Variants in NTRK3 observed in about 807,000 individuals in gnomAD.
NTRK3 encodes neurotrophic receptor tyrosine kinase 3, also known as NT-3 growth factor receptor.
A neutral mutation model predicts 91.7 loss-of-function variants in NTRK3; 24 were observed. That is an observed-to-expected ratio of 0.26 (90% CI 0.19 to 0.37). NTRK3 has a LOEUF of 0.37. Among genes scored for constraint, NTRK3 ranks in the 10% least tolerant of loss-of-function variants. NTRK3 has a pLI of 1.00. For missense variants in NTRK3, 880 were observed against 1,068.9 expected (o/e 0.82, Z 2.46); for synonymous variants, 483 against 404.0 (o/e 1.20, Z -2.34).
exon 19 of NTRK3, chr15:87,860,374 G>A (rs1257467139): frequency 4.5e-6 from 1 of 220,430 alleles, no homozygotes; most frequent in African/African-American, 2.2e-5. Flanking sequence ...GAGAAAGGAA[G>A]GGTGAGATGA....
chr15:88,121,488 A>C (rs1182483729), intron 13 of NTRK3, among the ~76,000 whole-genome samples: 4 of 152,262 alleles, frequency 2.6e-5, no homozygotes, highest in Non-Finnish European at 5.9e-5. Context: ...TTTAATGCCT[A>C]ATTTAACAAT....
intron 14 of NTRK3, chr15:87,981,418 A>G: frequency 6.2e-7 from 1 of 1,613,060 alleles, no homozygotes. Context: ...CCAAGTGCAA[A>G]AAACATGGGA....
chr15:87,862,592 T>C (rs2064556966), exon 19 of NTRK3: 1 of 226,122 alleles, frequency 4.4e-6, no homozygotes, highest in Non-Finnish European at 8.8e-6. Flanking sequence ...TGCTGACAAT[T>C]AGTTAAGAGT....
intron 13 of NTRK3, among the ~76,000 whole-genome samples, chr15:88,050,486 CGTGTGTGTGTGTGT>C (rs55943475): frequency 1.4e-5 from 2 of 144,262 alleles, no homozygotes; most frequent in African/African-American, 2.5e-5. Flanking sequence ...CAATATATAC[CGTGTGTGTGTGTGT>C]GTGTGTGTGT....
chr15:88,235,604 C>T lies in NTRK3; in HGVS notation c.248+20302G>A, dbSNP rs183793785. Among the ~76,000 whole-genome samples the T allele has an allele frequency of 4.4e-4, 67 of 152,300 alleles. No individual in the cohort carries two copies. Among genetic ancestry groups the T allele is most frequent in the Middle Eastern group, 3.4e-3 (1 of 294 alleles). ...GGGTGGATGGAGAACCCCAAGGAAA[C>T]GACCCAGCCCTGCTAAAGAGCACCA... On this transcript the variant is annotated intron_variant, in intron 3 of 18. Transcript: ENST00000394480. This position sits in a 1 kb window ranked among gnomAD's most constrained non-coding sequence, Gnocchi z 5.2.
chr15:88,124,688 G>T (rs2053099654), intron 13 of NTRK3, among the ~76,000 whole-genome samples: 1 of 152,176 alleles, frequency 6.6e-6, no homozygotes, highest in African/African-American at 2.4e-5. Context: ...TCACTCAGTG[G>T]TCGTCTCATC....
At chr15:87,897,940 T>C (rs1459601017) in intron 17 of NTRK3, among the ~76,000 whole-genome samples, 1 of 152,216 alleles carries the variant, frequency 6.6e-6, no homozygotes, top group Non-Finnish European at 1.5e-5. Context: ...AGAGAATTTA[T>C]TTAACCTCTG....
intron 13 of NTRK3, among the ~76,000 whole-genome samples, chr15:88,094,475 C>CA (rs10610101): frequency 0.06 from 1,804 of 30,098 alleles, 162 homozygotes; most frequent in East Asian, 0.13. Context: ...GACTCCGTCT[C>CA]AAAAAAAAAA....
In NTRK3 at chr15:88,233,184, A is replaced by G. The variant is rs755756659; in HGVS notation, c.248+22722T>C. 1.3e-5 allele frequency among the ~76,000 whole-genome samples: 2 copies of G among 152,180 alleles called. No homozygotes were observed. Among genetic ancestry groups the G allele is most frequent in the African/African-American group, 2.4e-5 (1 of 41,430 alleles). ...TTCCTCTGGAGCTAAAGCCTGAATA[A>G]GCAAAAAGAAAAAATTAAAACCGTA... On this transcript the variant is annotated intron_variant, in intron 3 of 18. Coordinates refer to ENST00000394480, the Ensembl canonical transcript of NTRK3. The surrounding 1 kb of genome is among the most constrained non-coding windows in gnomAD (Gnocchi z 4.2).
At chr15:88,176,239 T>A (rs1471220801) in intron 5 of NTRK3, among the ~76,000 whole-genome samples, 1 of 148,620 alleles carries the variant, frequency 6.7e-6, no homozygotes, top group African/African-American at 2.5e-5. Context: ...CAGGTTCAAG[T>A]GATTCTCCTG....
At chr15:88,009,053 GA>G (rs1172997283) in intron 14 of NTRK3, among the ~76,000 whole-genome samples, 35 of 152,314 alleles carry the variant, frequency 2.3e-4, no homozygotes, top group African/African-American at 8.4e-4. Flanking sequence ...TGAGAAGGAA[GA>G]GATCCCCAGT....
intron 3 of NTRK3, among the ~76,000 whole-genome samples, chr15:88,226,049 T>A (rs2050645423): frequency 6.6e-6 from 1 of 152,070 alleles, no homozygotes; most frequent in Non-Finnish European, 1.5e-5. Flanking sequence ...GGATGTGAAG[T>A]CAAAGGCATG....
intron 13 of NTRK3, among the ~76,000 whole-genome samples, chr15:88,098,816 GC>G (rs1397789088): frequency 6.6e-6 from 1 of 152,116 alleles, no homozygotes; most frequent in African/African-American, 2.4e-5. Flanking sequence ...TTCATCTTGG[GC>G]CCAAAATCAA....
intron 6 of NTRK3, among the ~76,000 whole-genome samples, chr15:88,138,246 T>C (rs1254265636): frequency 6.7e-6 from 1 of 149,874 alleles, no homozygotes; most frequent in Non-Finnish European, 1.5e-5. Flanking sequence ...CTACTAAAAA[T>C]ACAAAAACAA....
At position 88,087,837 on chromosome 15, in the gene NTRK3, T is replaced by C. The variant is rs182009035; in HGVS notation, c.1396+38434A>G. 4.6e-3 allele frequency among the ~76,000 whole-genome samples: 703 copies of C among 152,144 alleles called. 4 individuals carry two copies. The highest frequency in any genetic ancestry group is 0.017 in the African/African-American group (685 of 41,474). On this transcript the variant is annotated intron_variant, in intron 13 of 18. Coordinates refer to ENST00000394480, the Ensembl canonical transcript of NTRK3. ...GTCGAGGTGGGTGGATCACCTGAGG[T>C]CAGAAGTTCAAGACCAGCCTGGCCA...
intron 14 of NTRK3, among the ~76,000 whole-genome samples, chr15:87,952,042 G>A (rs1035094851): frequency 4.6e-5 from 7 of 152,066 alleles, no homozygotes; most frequent in African/African-American, 1.2e-4. Flanking sequence ...TGGGAGAATC[G>A]CTTGAACTTG....
intron 17 of NTRK3, among the ~76,000 whole-genome samples, chr15:87,898,676 G>C (rs2066271932): frequency 6.6e-6 from 1 of 151,914 alleles, no homozygotes; most frequent in African/African-American, 2.4e-5. Flanking sequence ...TAAGATGATG[G>C]CATTGGATCC....
chr15:87,905,630 G>T (rs1007802994), intron 17 of NTRK3, among the ~76,000 whole-genome samples: 4 of 152,302 alleles, frequency 2.6e-5, no homozygotes, highest in Non-Finnish European at 4.4e-5. Context: ...ACAAAAGACA[G>T]ACAGGAAATT....
intron 5 of NTRK3, among the ~76,000 whole-genome samples, chr15:88,172,432 T>C (rs976903773): frequency 6.6e-6 from 1 of 152,038 alleles, no homozygotes; most frequent in Non-Finnish European, 1.5e-5. Context: ...CTGAGAATAA[T>C]CAAGGATGGA....
Sources: allele counts gnomAD v4.1 joint callset (sites outside exome capture counted in the v4.1 genomes callset), GRCh38; gene constraint gnomAD v4.1.1; non-coding constraint Gnocchi (gnomAD v3.1); transcripts MANE v1.5; gene names NCBI Gene and HGNC (gene_info 2026-07-23, HGNC 2026-07-21).